SLC26A5: variants seen among roughly 807,000 people sequenced by gnomAD.
The protein encoded by SLC26A5 is solute carrier family 26 member 5.
A neutral mutation model predicts 81.0 loss-of-function variants in SLC26A5; 51 were observed. That is an observed-to-expected ratio of 0.63 (90% CI 0.50 to 0.80). The LOEUF (loss-of-function observed/expected upper bound fraction) is 0.80, where lower values mean the gene tolerates loss of function less well. Ranked by LOEUF, SLC26A5 falls within the 30% of genes least tolerant of loss-of-function variation. The pLI, the probability that SLC26A5 is intolerant of heterozygous loss-of-function variation, is 0.00. For synonymous variants in SLC26A5, 325 were observed against 332.8 expected, an observed-to-expected ratio of 0.98 and a Z score of 0.25; for missense variants, 771 against 905.8, an observed-to-expected ratio of 0.85 and a Z score of 1.91.
In SLC26A5 at chr7:103,446,073, C is replaced by T. The variant is rs537060129; in HGVS notation, c.-183+25G>A. 2.2e-4 allele frequency: 34 copies of T among 152,056 alleles called. No individual in the cohort carries two copies. The South Asian group carries it at 6.3e-3, about 28-fold the overall frequency. 9.4% of individuals were successfully genotyped at this position (152,056 alleles called of 1,614,324 possible). ...CTCCCGAGGGACCGCGACCCCCGGC[C>T]CCGCGGCCGCCCGCGCGCACTCACC... On this transcript the variant is annotated intron_variant, in intron 1 of 19. Transcript: ENST00000306312.
rs527439675 is a variant in SLC26A5, at chr7:103,367,878, T to C, written c.2041+8930A>G. On this transcript the variant is annotated intron_variant, in intron 19 of 19. Transcript: ENST00000339444. The surrounding 1 kb of genome is among the most constrained non-coding windows in gnomAD (Gnocchi z 6.1). Reference sequence around the variant, plus strand: ...AGGCTGCTTTAATTAAGCCCGTTTATTTTCTTTTTGTTTGAAAGGTGCTGA... The same window carrying C: ...AGGCTGCTTTAATTAAGCCCGTTTACTTTCTTTTTGTTTGAAAGGTGCTGA... The C allele has an allele frequency of 1.6e-5, 25 of 1,611,864 alleles. No homozygotes were observed. The highest frequency in any genetic ancestry group is 2.7e-5 in the African/African-American group (2 of 74,798).
chr7:103,395,987 C>T (rs1236657637), intron 9 of SLC26A5, among the ~76,000 whole-genome samples: 1 of 152,128 alleles, frequency 6.6e-6, no homozygotes, highest in Non-Finnish European at 1.5e-5. Context: ...CATTGCCTTC[C>T]ATGCATTATC....
At chr7:103,444,951 G>C (rs1045593112) in intron 1 of SLC26A5, among the ~76,000 whole-genome samples, 3 of 152,166 alleles carry the variant, frequency 2.0e-5, no homozygotes, top group Non-Finnish European at 4.4e-5. Context: ...TTTTCAAAAA[G>C]GTTGATACTT....
chr7:103,354,673 A>G (rs1234106198), intron 19 of SLC26A5, among the ~76,000 whole-genome samples: 1 of 152,038 alleles, frequency 6.6e-6, no homozygotes, highest in Non-Finnish European at 1.5e-5. Context: ...CCTGGCCATG[A>G]TTTTCATTTG....
chr7:103,414,673 A>T (rs988894267), intron 4 of SLC26A5, among the ~76,000 whole-genome samples: 10 of 152,218 alleles, frequency 6.6e-5, no homozygotes, highest in African/African-American at 1.9e-4. Flanking sequence ...ACTGAAGGCC[A>T]TCTTGATTGC....
At chr7:103,410,363 C>A in intron 7 of SLC26A5, 22 bp downstream of exon 7, 2 of 1,595,814 alleles carry the variant, frequency 1.3e-6, no homozygotes, top group Non-Finnish European at 1.7e-6. Context: ...AGTACCAGAA[C>A]GTCAGGTAGT....
chr7:103,361,403 G>A (rs1218096010), intron 19 of SLC26A5, among the ~76,000 whole-genome samples: 2 of 150,420 alleles, frequency 1.3e-5, no homozygotes, highest in East Asian at 1.9e-4. Flanking sequence ...CCAGCTACTC[G>A]GGAGGCTGAG....
Position 103,440,238 on chromosome 7 carries a change from A to G in SLC26A5, c.-54+2845T>C, listed in dbSNP as rs1469967012. Among the ~76,000 whole-genome samples, 6 of 152,350 alleles carry G rather than the reference A, an allele frequency of 3.9e-5. No individual in the cohort carries two copies. The South Asian group carries it at 1.0e-3, about 26-fold the overall frequency. On this transcript the variant is annotated intron_variant, in intron 2 of 19. Transcript: ENST00000306312. ...AAATAATAAAGCAAGAAAGGAAGCA[A>G]TGAAAACCCTTGTTACCTTTGAGAT...
chr7:103,401,944 T>C (rs1258540237), intron 8 of SLC26A5, among the ~76,000 whole-genome samples: 1 of 152,252 alleles, frequency 6.6e-6, no homozygotes, highest in East Asian at 1.9e-4. Context: ...AATGTGCTGC[T>C]GGATTCAGTT....
chr7:103,404,221 G>A (rs1823843840), intron 8 of SLC26A5, among the ~76,000 whole-genome samples: 1 of 152,178 alleles, frequency 6.6e-6, no homozygotes, highest in Non-Finnish European at 1.5e-5. Flanking sequence ...ATTTGATCCT[G>A]TCATTATGAT....
intron 1 of SLC26A5, among the ~76,000 whole-genome samples, chr7:103,444,611 C>T (rs1265507529): frequency 6.6e-6 from 1 of 152,228 alleles, no homozygotes; most frequent in Non-Finnish European, 1.5e-5. Flanking sequence ...TGGATTGAGT[C>T]AATTCTTTTG....
chr7:103,373,957 C>T (rs750761153), downstream of SLC26A5, among the ~76,000 whole-genome samples: 6 of 152,118 alleles, frequency 3.9e-5, no homozygotes, highest in Non-Finnish European at 8.8e-5. Flanking sequence ...ACAAGAACTT[C>T]TAGAAAATTG....
At chr7:103,403,414 C>T (rs1464953083) in intron 8 of SLC26A5, among the ~76,000 whole-genome samples, 3 of 152,130 alleles carry the variant, frequency 2.0e-5, no homozygotes, top group Non-Finnish European at 2.9e-5. Context: ...AGTTCAAGTC[C>T]TGAATATGCT....
chr7:103,376,921 CTT>C, intron 18 of SLC26A5, 59 bp from the exon 19 acceptor site: 3 of 1,171,210 alleles, frequency 2.6e-6, no homozygotes, highest in Non-Finnish European at 3.8e-6. Flanking sequence ...ATGAAAGTCT[CTT>C]TTTACCAATG....
chr7:103,389,157 A>G, intron 13 of SLC26A5, 43 bp from the exon 14 acceptor site: 5 of 1,453,344 alleles, frequency 3.4e-6, no homozygotes, highest in Non-Finnish European at 4.8e-6. Context: ...CATGTTAAAC[A>G]TCCCACAAGA....
intron 19 of SLC26A5, chr7:103,361,939 A>G (rs1434691251): frequency 8.8e-6 from 14 of 1,592,884 alleles, no homozygotes; most frequent in Non-Finnish European, 1.1e-5. Flanking sequence ...ATTCTAATCA[A>G]GCTTTTTGCT....
chr7:103,434,122 T>C (rs1171100536), intron 2 of SLC26A5, among the ~76,000 whole-genome samples: 4 of 152,166 alleles, frequency 2.6e-5, no homozygotes, highest in Non-Finnish European at 5.9e-5. Flanking sequence ...TATACCCTCA[T>C]TTTGCTGGAG....
chr7:103,381,513 C>T (rs574123172), intron 14 of SLC26A5, among the ~76,000 whole-genome samples: 2 of 150,816 alleles, frequency 1.3e-5, no homozygotes, highest in East Asian at 1.9e-4. Context: ...ACATGCCACA[C>T]ACAATACCAT....
intron 2 of SLC26A5, among the ~76,000 whole-genome samples, chr7:103,425,963 G>A (rs1018524957): frequency 1.3e-5 from 2 of 152,060 alleles, no homozygotes; most frequent in African/African-American, 2.4e-5. Flanking sequence ...CATAGGAGAT[G>A]GCAAAACAAA....
Sources: allele counts gnomAD v4.1 joint callset (sites outside exome capture counted in the v4.1 genomes callset), GRCh38; gene constraint gnomAD v4.1.1; non-coding constraint Gnocchi (gnomAD v3.1); transcripts MANE v1.5; gene names NCBI Gene and HGNC (gene_info 2026-07-23, HGNC 2026-07-21).